PARD3: variants seen among roughly 807,000 people sequenced by gnomAD.
PARD3 encodes the protein partitioning defective 3 homolog.
Under a neutral mutation model 155.4 loss-of-function variants are expected in PARD3, and 75 were observed. The ratio of observed to expected loss-of-function variants is 0.48; its 90% CI spans 0.40 to 0.58. The LOEUF (loss-of-function observed/expected upper bound fraction) is 0.58, where lower values mean the gene tolerates loss of function less well. PARD3 is among the 20% of genes least tolerant of loss of function. The pLI, the probability that PARD3 is intolerant of heterozygous loss-of-function variation, is 0.00. For missense variants in PARD3, 1,642 were observed against 1,721.7 expected (o/e 0.95, Z 0.82); for synonymous variants, 576 against 610.5 (o/e 0.94, Z 0.83).
Position 34,440,468 on chromosome 10 carries a change from C to G in PARD3, c.714+9849G>C, listed in dbSNP as rs16935407. On this transcript the variant is annotated intron_variant, in intron 5 of 24. Coordinates refer to ENST00000374788, the MANE Select transcript of PARD3 (RefSeq NM_001184785.2). ...TAAGACTGCCTGCAATGAAAATATGCAAAGGCACCTGAAGGTCAAAGTTAA... is the reference window on the plus strand; with the variant it reads ...TAAGACTGCCTGCAATGAAAATATGGAAAGGCACCTGAAGGTCAAAGTTAA... 7.5e-3 allele frequency among the ~76,000 whole-genome samples: 1,149 copies of G among 152,202 alleles called. 14 individuals are homozygous for G. Among genetic ancestry groups the G allele is most frequent in the African/African-American group, 0.026 (1,086 of 41,514 alleles).
intron 2 of PARD3, among the ~76,000 whole-genome samples, chr10:34,544,693 G>A (rs1322416938): frequency 6.6e-6 from 1 of 152,136 alleles, no homozygotes; most frequent in Non-Finnish European, 1.5e-5. Context: ...GGGAAACTCT[G>A]TCCTAACCTT....
chr10:34,261,677 A>G (rs1368050820), intron 22 of PARD3, among the ~76,000 whole-genome samples: 1 of 151,084 alleles, frequency 6.6e-6, no homozygotes, highest in Non-Finnish European at 1.5e-5. Context: ...CAACAGAGTG[A>G]GACTCTGTCT....
intron 2 of PARD3, among the ~76,000 whole-genome samples, chr10:34,604,466 T>A (rs1264963670): frequency 6.6e-6 from 1 of 151,964 alleles, no homozygotes; most frequent in Non-Finnish European, 1.5e-5. Context: ...GACTCCAAGA[T>A]CTTCCGTTTT....
At chr10:34,240,792 A>G (rs1273771557) in intron 22 of PARD3, among the ~76,000 whole-genome samples, 2 of 152,056 alleles carry the variant, frequency 1.3e-5, no homozygotes, top group Admixed American at 6.5e-5. Flanking sequence ...GGAGAGGTAA[A>G]CAGTCCCTCC....
At chr10:34,456,495 A>C (rs1820661653) in intron 4 of PARD3, among the ~76,000 whole-genome samples, 1 of 152,000 alleles carries the variant, frequency 6.6e-6, no homozygotes, top group African/African-American at 2.4e-5. Context: ...ACAGGGTTTC[A>C]CCATGTTCGG....
chr10:34,774,414 CA>C, intron 1 of PARD3, among the ~76,000 whole-genome samples: 2 of 152,310 alleles, frequency 1.3e-5, no homozygotes, highest in South Asian at 4.1e-4. Flanking sequence ...TTACCTTTCA[CA>C]AAGCCTAACC....
At chr10:34,183,240 CT>C (rs1950343086) in intron 22 of PARD3, among the ~76,000 whole-genome samples, 1 of 152,278 alleles carries the variant, frequency 6.6e-6, no homozygotes, top group South Asian at 2.1e-4. Flanking sequence ...TGCTGCATAT[CT>C]TTTTGAGACA....
chr10:34,757,694 A>G (rs1436553052), intron 1 of PARD3, among the ~76,000 whole-genome samples: 1 of 147,890 alleles, frequency 6.8e-6, no homozygotes, highest in African/African-American at 2.5e-5. Flanking sequence ...TGTCTCCAAG[A>G]AAAAAAAAAA....
intron 1 of PARD3, among the ~76,000 whole-genome samples, chr10:34,725,176 G>A (rs1052089769): frequency 2.2e-5 from 3 of 135,224 alleles, no homozygotes; most frequent in South Asian, 2.6e-4. Flanking sequence ...AGAGAGAGAC[G>A]GAGTCTCACT....
At chr10:34,728,858 T>G (rs142029873) in intron 1 of PARD3, among the ~76,000 whole-genome samples, 168 of 152,362 alleles carry the variant, frequency 1.1e-3, no homozygotes, top group African/African-American at 3.7e-3. Flanking sequence ...CATGCAGCCA[T>G]GTACTGCATA....
At chr10:34,664,887 T>TTGAATCCCC (rs1426500188) in intron 2 of PARD3, among the ~76,000 whole-genome samples, 1 of 152,100 alleles carries the variant, frequency 6.6e-6, no homozygotes, top group East Asian at 1.9e-4. Context: ...ATGTAGAATG[T>TTGAATCCCC]TGAATCCCCT....
At chr10:34,607,929 A>G (rs2090595229) in intron 2 of PARD3, among the ~76,000 whole-genome samples, 1 of 152,126 alleles carries the variant, frequency 6.6e-6, no homozygotes, top group Admixed American at 6.5e-5. Context: ...TTATTTATTT[A>G]TTTTGAAGCT....
intron 1 of PARD3, among the ~76,000 whole-genome samples, chr10:34,805,271 C>G (rs529147159): frequency 8.5e-5 from 13 of 152,074 alleles, no homozygotes; most frequent in African/African-American, 2.9e-4. Context: ...ACAGGAGAAT[C>G]GCTTGAACCC....
chr10:34,495,384 T>C (rs184718096), intron 3 of PARD3, among the ~76,000 whole-genome samples: 2 of 152,272 alleles, frequency 1.3e-5, no homozygotes, highest in East Asian at 3.9e-4. Flanking sequence ...AAAATCTGAA[T>C]TGGCAAGGAG....
chr10:34,694,761 G>C (rs963461503), intron 2 of PARD3, among the ~76,000 whole-genome samples: 1 of 152,160 alleles, frequency 6.6e-6, no homozygotes, highest in Non-Finnish European at 1.5e-5. Flanking sequence ...AGGTGCAACA[G>C]TGAATCTAAT....
At chr10:34,344,940 A>G (rs1445268285) in intron 15 of PARD3, 1 of 985,294 alleles carries the variant, frequency 1.0e-6, no homozygotes, top group African/African-American at 1.7e-5. Context: ...ATATAAGGTA[A>G]GTTGGCTGGA....
At chr10:34,222,809 C>A (rs1446306099) in intron 22 of PARD3, among the ~76,000 whole-genome samples, 1 of 152,142 alleles carries the variant, frequency 6.6e-6, no homozygotes, top group Non-Finnish European at 1.5e-5. Flanking sequence ...CACGATAAGT[C>A]CAAGAAAGGA....
intron 22 of PARD3, among the ~76,000 whole-genome samples, chr10:34,264,765 T>C (rs1018032508): frequency 1.5e-5 from 2 of 129,586 alleles, no homozygotes; most frequent in Admixed American, 7.8e-5. Context: ...TTTTTTTTTT[T>C]AAGAGACAGA....
At chr10:34,233,473 T>G (rs1358429319) in intron 22 of PARD3, among the ~76,000 whole-genome samples, 1 of 152,044 alleles carries the variant, frequency 6.6e-6, no homozygotes, top group East Asian at 1.9e-4. Flanking sequence ...TGCATGTTGA[T>G]TTCCACATCC....
Sources: gnomAD v4.1 joint callset for allele counts (sites outside exome capture counted in the v4.1 genomes callset) on GRCh38, gnomAD v4.1.1 for gene constraint, MANE v1.5 for transcripts, NCBI Gene and HGNC (gene_info 2026-07-23, HGNC 2026-07-21) for gene names.